Variants in SCHIP1 observed in about 807,000 individuals in gnomAD.
SCHIP1 encodes the protein schwannomin interacting protein 1.
In SCHIP1, 8 loss-of-function variants were observed where a neutral mutation model predicts 29.7. That is an observed-to-expected ratio of 0.27 (90% CI 0.16 to 0.49). The LOEUF is 0.49. SCHIP1 is among the 20% of genes least tolerant of loss of function. The probability of loss-of-function intolerance (pLI) is 0.99; values close to 1 mark genes in which losing one functional copy is unlikely to be tolerated. For missense variants in SCHIP1, 193 were observed against 294.6 expected, an observed-to-expected ratio of 0.66 and a Z score of 2.52; for synonymous variants, 76 against 94.9, an observed-to-expected ratio of 0.80 and a Z score of 1.16.
the SCHIP1 span, among the ~76,000 whole-genome samples, chr3:159,434,437 A>G: frequency 6.6e-6 from 1 of 152,130 alleles, no homozygotes. Flanking sequence ...GTAAAAAAAA[A>G]AGTCTGGTGT....
At chr3:159,386,117 C>CCAAGT in the SCHIP1 span, among the ~76,000 whole-genome samples, 1 of 152,028 alleles carries the variant, frequency 6.6e-6, no homozygotes, top group Non-Finnish European at 1.5e-5. Context: ...TGGGTTGGTT[C>CCAAGT]CAAGTCTTGG....
the SCHIP1 span, among the ~76,000 whole-genome samples, chr3:159,658,193 GTTCTTCCCAATTCAAA>G: frequency 6.6e-6 from 1 of 152,116 alleles, no homozygotes; most frequent in Admixed American, 6.5e-5. Context: ...AAGAACTGAT[GTTCTTCCCAATTCAAA>G]GACAAAACAT....
the SCHIP1 span, among the ~76,000 whole-genome samples, chr3:159,452,512 G>A: frequency 7.2e-5 from 11 of 152,106 alleles, no homozygotes; most frequent in African/African-American, 2.7e-4. Context: ...AATATTCCAT[G>A]GTGTATATGT....
At chr3:159,384,091 AC>A in the SCHIP1 span, among the ~76,000 whole-genome samples, 2 of 151,464 alleles carry the variant, frequency 1.3e-5, no homozygotes, top group Non-Finnish European at 2.9e-5. Context: ...CTAATTGAAT[AC>A]CCTTTATTTC....
the SCHIP1 span, among the ~76,000 whole-genome samples, chr3:159,380,894 G>A: frequency 2.6e-5 from 4 of 152,116 alleles, no homozygotes; most frequent in African/African-American, 4.8e-5. Flanking sequence ...AGTGGACCAC[G>A]CTCTAGTAAA....
the SCHIP1 span, among the ~76,000 whole-genome samples, chr3:159,833,973 T>C: frequency 2.6e-5 from 4 of 152,174 alleles, no homozygotes; most frequent in Non-Finnish European, 5.9e-5. Flanking sequence ...CCCTCTGTCT[T>C]TGCCCTTCCA....
the SCHIP1 span, among the ~76,000 whole-genome samples, chr3:159,774,637 G>A: frequency 6.6e-6 from 1 of 152,168 alleles, no homozygotes; most frequent in Non-Finnish European, 1.5e-5. Flanking sequence ...GCTAGGAAAA[G>A]CCCAGGTGGT....
the SCHIP1 span, among the ~76,000 whole-genome samples, chr3:159,799,610 GATA>G: frequency 1.3e-5 from 2 of 152,202 alleles, no homozygotes; most frequent in African/African-American, 2.4e-5. Context: ...GTGTAAGTGT[GATA>G]ATAAGGGAAT....
the SCHIP1 span, among the ~76,000 whole-genome samples, chr3:159,307,418 A>C: frequency 2.0e-5 from 3 of 152,214 alleles, no homozygotes; most frequent in Non-Finnish European, 4.4e-5. Flanking sequence ...GGACAGCATC[A>C]GGCACACATA....
chr3:159,470,811 G>A, the SCHIP1 span, among the ~76,000 whole-genome samples: 1 of 151,924 alleles, frequency 6.6e-6, no homozygotes, highest in South Asian at 2.1e-4. Flanking sequence ...AAGGAATGAA[G>A]TATTGATATA....
rs1432849517 is a variant in SCHIP1, at chr3:159,861,690, C to G, written c.31-4473C>G. Among the ~76,000 whole-genome samples the G allele has an allele frequency of 2.0e-5, 3 of 152,092 alleles. No homozygotes were observed. Among genetic ancestry groups the G allele is most frequent in the African/African-American group, 7.2e-5 (3 of 41,404 alleles). ...GCTTTTCTGCCTGATAGTGATGAGC[C>G]CTGTTCCTCAGTTGCCCTTTGTTTT... is the stretch of plus-strand genomic sequence containing the variant. On this transcript the variant is annotated intron_variant, in intron 1 of 6. Coordinates refer to ENST00000445224, the Ensembl canonical transcript of SCHIP1. The surrounding 1 kb of genome is among the most constrained non-coding windows in gnomAD (Gnocchi z 4.1).
chr3:159,876,010 A>G lies in SCHIP1; in HGVS notation c.149+9729A>G, dbSNP rs141594763. On this transcript the variant is annotated intron_variant, in intron 2 of 6. Coordinates refer to ENST00000445224, the Ensembl canonical transcript of SCHIP1. ...TTAGTGCAATCAACAGATTACAAAG[A>G]GGAAAACAAGATCCAATGGCTATAA... 2.3e-3 allele frequency among the ~76,000 whole-genome samples: 358 copies of G among 152,364 alleles called. 5 individuals carry two copies. In the East Asian group the frequency reaches 0.053, roughly 23 times the overall value.
chr3:159,711,229 C>T, the SCHIP1 span, among the ~76,000 whole-genome samples: 3 of 81,068 alleles, frequency 3.7e-5, no homozygotes, highest in East Asian at 3.3e-4. Context: ...GGCGTAGTGG[C>T]GGGCGCCTGT....
chr3:159,484,258 A>C, the SCHIP1 span, among the ~76,000 whole-genome samples: 1 of 152,212 alleles, frequency 6.6e-6, no homozygotes, highest in African/African-American at 2.4e-5. Context: ...ACAAATGAAA[A>C]CGTTACGATT....
the SCHIP1 span, among the ~76,000 whole-genome samples, chr3:159,468,761 A>G: frequency 3.3e-5 from 4 of 121,130 alleles, no homozygotes; most frequent in East Asian, 4.9e-4. Flanking sequence ...AATATAATAT[A>G]TATATATATA....
the SCHIP1 span, among the ~76,000 whole-genome samples, chr3:159,516,413 A>G: frequency 1.3e-5 from 2 of 152,142 alleles, no homozygotes; most frequent in African/African-American, 4.8e-5. Context: ...CTGCCTCTCC[A>G]GCCTTGGAGA....
chr3:159,590,891 A>C, the SCHIP1 span, among the ~76,000 whole-genome samples: 1 of 152,126 alleles, frequency 6.6e-6, no homozygotes, highest in Admixed American at 6.5e-5. Context: ...AAGCTTCCTA[A>C]GTTTGTCCAG....
the SCHIP1 span, among the ~76,000 whole-genome samples, chr3:159,630,588 A>C: frequency 2.7e-5 from 4 of 150,936 alleles, no homozygotes; most frequent in African/African-American, 7.4e-5. Context: ...AGGAATGGAA[A>C]ACCAAACATC....
the SCHIP1 span, among the ~76,000 whole-genome samples, chr3:159,470,760 A>G: frequency 6.6e-6 from 1 of 152,150 alleles, no homozygotes; most frequent in Non-Finnish European, 1.5e-5. Context: ...AAACACAAAC[A>G]TTGGTACATC....
Sources: gnomAD v4.1 joint callset for allele counts (sites outside exome capture counted in the v4.1 genomes callset) on GRCh38, gnomAD v4.1.1 for gene constraint, Gnocchi (gnomAD v3.1) non-coding constraint, MANE v1.5 for transcripts, NCBI Gene and HGNC (gene_info 2026-07-23, HGNC 2026-07-21) for gene names.